The following TIRAP variants were observed in gnomAD, a reference collection of about 807,000 sequenced individuals.
TIRAP encodes the protein TIR domain containing adaptor protein.
In TIRAP, 20 loss-of-function variants were observed where a neutral mutation model predicts 19.8. The ratio of observed to expected loss-of-function variants is 1.01; its 90% confidence interval spans 0.71 to 1.47. The LOEUF (loss-of-function observed/expected upper bound fraction) is 1.47, where lower values mean the gene tolerates loss of function less well. Ranked by LOEUF, TIRAP falls within the 40% of genes most tolerant of loss-of-function variation. TIRAP has a pLI of 0.00. For synonymous variants in TIRAP, 125 were observed against 121.7 expected, an observed-to-expected ratio of 1.03 and a Z score of -0.18; for missense variants, 276 against 285.1, an observed-to-expected ratio of 0.97 and a Z score of 0.23.
chr11:126,292,993 A>G lies in TIRAP; in HGVS notation c.584A>G (p.Tyr195Cys), dbSNP rs1270335102. The G allele has an allele frequency of 1.2e-6, 2 of 1,614,190 alleles. No homozygotes were observed. Among genetic ancestry groups the G allele is most frequent in the Non-Finnish European group, 1.7e-6 (2 of 1,180,002 alleles). ...TACCCACCTGAGCTCCGATTCATGT[A>G]CTACGTCGATGGCAGGGGCCCTGAT... ...AAYPPELRFM[Y>C]YVDGRGPDGG... The change falls in exon 4 of 5, where the codon TAC (tyrosine) becomes TGC (cysteine). Residue 195 changes from tyrosine (Y) to cysteine (C), a missense_variant. Tyr to Cys is a radical substitution (Grantham distance 194). Transcript: ENST00000392679.
At position 126,290,496 on chromosome 11, in the gene TIRAP, GC is replaced by G. The variant is rs1243443305; in HGVS notation, c.-180del. 1.0e-6 allele frequency: 1 copy of G among 1,003,234 alleles called. No homozygotes were observed. The highest frequency in any genetic ancestry group is 1.2e-6 in the Non-Finnish European group (1 of 842,314). 62.1% of individuals were successfully genotyped at this position (1,003,234 alleles called of 1,614,324 possible). ...AGGAAGTCCTTCTAAAGAGCTGCCT[GC>G]CAGCTGCCCTTCCCCAGATCCCGAA... On this transcript the variant is annotated 5_prime_UTR_variant, in exon 2 of 5. Transcript: ENST00000392679. This position sits in a 1 kb window ranked among gnomAD's most constrained non-coding sequence, Gnocchi z 4.9.
At position 126,290,438 on chromosome 11, in the gene TIRAP, A is replaced by G. The variant is rs1951366215; in HGVS notation, c.-216-24A>G. On this transcript the variant is annotated intron_variant, in intron 1 of 4. Transcript: ENST00000392679. The surrounding 1 kb of genome is among the most constrained non-coding windows in gnomAD (Gnocchi z 4.9). ...TACATAATTATTTGTCCAAATAGCA[A>G]CTGTCCTTCTTCTGCCATTTCAGGC... 3.0e-6 allele frequency: 3 copies of G among 989,878 alleles called. No individual in the cohort carries two copies. The African/African-American group carries it at 5.2e-5, about 17-fold the overall frequency. The allele number at this position is 989,878 out of a possible 1,614,324, so 61.3% of individuals were successfully genotyped here.
intron 1 of TIRAP, among the ~76,000 whole-genome samples, chr11:126,283,914 C>G (rs1264083245): frequency 1.3e-5 from 2 of 152,132 alleles, no homozygotes; most frequent in South Asian, 2.1e-4. Context: ...TTCCACAACA[C>G]GCACATTTCC....
At position 126,290,717 on chromosome 11, in the gene TIRAP, G is replaced by C; in HGVS notation, c.-92-86G>C. 1 of 1,386,620 alleles carries C rather than the reference G, an allele frequency of 7.2e-7. No individual in the cohort carries two copies. Among genetic ancestry groups the C allele is most frequent in the African/African-American group, 1.5e-5 (1 of 67,156 alleles). The allele number at this position is 1,386,620 out of a possible 1,614,324, so 85.9% of individuals were successfully genotyped here. A position where few individuals can be genotyped will look rare whatever the true frequency, so the allele number is the denominator to read the frequency against. On this transcript the variant is annotated intron_variant, in intron 2 of 4. Transcript: ENST00000392679. This position sits in a 1 kb window ranked among gnomAD's most constrained non-coding sequence, Gnocchi z 4.9. ...GAAGCCTCTGTCAGGCATTAGGAGA[G>C]AAACAGAACTTCGCAGAGCTCATCC...
chr11:126,292,729 T>C lies in TIRAP; in HGVS notation c.320T>C (p.Leu107Ser). 6.2e-7 allele frequency: 1 copy of C among 1,613,494 alleles called. No individual in the cohort carries two copies. Among genetic ancestry groups the C allele is most frequent in the Non-Finnish European group, 8.5e-7 (1 of 1,179,800 alleles). The change falls in exon 4 of 5, where the codon TTG becomes TCG. Residue 107 changes from leucine (L) to serine (S), a missense_variant. Transcript: ENST00000392679. ...GCCGCCCAGGACCTGGTCTCCTACT[T>C]GGAAGGCAGCACTGCCAGCCTGCGC... ...LVAAQDLVSY[L>S]EGSTASLRCF...
chr11:126,294,161 C>T lies in TIRAP; in HGVS notation c.*474C>T, dbSNP rs1384184394. 8.2e-6 allele frequency: 2 copies of T among 244,154 alleles called. No individual in the cohort carries two copies. Among genetic ancestry groups the T allele is most frequent in the African/African-American group, 2.3e-5 (1 of 44,298 alleles). The allele number at this position is 244,154 out of a possible 1,614,324, so 15.1% of individuals were successfully genotyped here. A position where few individuals can be genotyped will look rare whatever the true frequency, so the allele number is the denominator to read the frequency against. On this transcript the variant is annotated 3_prime_UTR_variant, in exon 5 of 5. Transcript: ENST00000392679. ...TCAGCAAGAAGCCTAGATTGCAGGC[C>T]TCACCATGGATGGTCTTCCTAGTTG...
Position 126,294,584 on chromosome 11 carries a change from C to T in TIRAP, c.*897C>T. 1 of 456,236 alleles carries T rather than the reference C, an allele frequency of 2.2e-6. No individual in the cohort carries two copies. Among genetic ancestry groups the T allele is most frequent in the Non-Finnish European group, 4.4e-6 (1 of 226,940 alleles). The allele number at this position is 456,236 out of a possible 1,614,324, so 28.3% of individuals were successfully genotyped here. On this transcript the variant is annotated 3_prime_UTR_variant, in exon 5 of 5. Transcript: ENST00000392679. ...ACTGGGAAGAATCACCATTTTTCTT[C>T]TGGCAGATGACTGTATTCCTTATAG...
Position 126,290,829 on chromosome 11 carries a change from G to T in TIRAP, c.-66G>T. ...ATGGCTGCTCCATGAGGTCAAGACT[G>T]GGTCTCCTCCCTCCTCCCCCTTCAC... On this transcript the variant is annotated 5_prime_UTR_variant, in exon 3 of 5. Coordinates refer to ENST00000392679, the MANE Select transcript of TIRAP (RefSeq NM_001318777.2). This position sits in a 1 kb window ranked among gnomAD's most constrained non-coding sequence, Gnocchi z 4.9. The T allele has an allele frequency of 1.3e-6, 2 of 1,544,368 alleles. No individual in the cohort carries two copies. The highest frequency in any genetic ancestry group is 4.3e-5 in the Admixed American group (2 of 46,638).
chr11:126,283,133 C>A lies in TIRAP; in HGVS notation c.-237C>A. ...CCCGCGCAGTCCGCGCAGCCCTCAT[C>A]GCAACTGGGCCCGCGCGCAGGTGAG... On this transcript the variant is annotated 5_prime_UTR_variant, in exon 1 of 5. Transcript: ENST00000392679. 2 of 985,076 alleles carry A rather than the reference C, an allele frequency of 2.0e-6. No homozygotes were observed. The highest frequency in any genetic ancestry group is 2.4e-6 in the Non-Finnish European group (2 of 829,804). 61.0% of individuals were successfully genotyped at this position (985,076 alleles called of 1,614,324 possible).
chr11:126,292,370 T>C, intron 3 of TIRAP, 107 bp from the exon 4 acceptor site: 2 of 1,143,706 alleles, frequency 1.7e-6, no homozygotes, highest in Non-Finnish European at 2.5e-6. Flanking sequence ...TGCAGGGAGG[T>C]GGGCTGCAGT....
At chr11:126,283,275 C>A in intron 1 of TIRAP, 122 bp downstream of exon 1, 1 of 468,286 alleles carries the variant, frequency 2.1e-6, no homozygotes, top group Non-Finnish European at 2.8e-6. Flanking sequence ...CAGGGGTGCG[C>A]GCCGCCTCTG....
chr11:126,289,709 C>T, intron 1 of TIRAP: 2 of 985,464 alleles, frequency 2.0e-6, no homozygotes, highest in Non-Finnish European at 2.4e-6. Context: ...CTCTGCCAGC[C>T]TTTCACAGGA....
At chr11:126,293,274 C>A in intron 4 of TIRAP, 1 of 824,738 alleles carries the variant, frequency 1.2e-6, no homozygotes, top group Non-Finnish European at 2.0e-6. Flanking sequence ...CACTGACCAA[C>A]AGGTTTCCAT....
rs1483296117 is a variant in TIRAP, at chr11:126,292,628, T to C, written c.219T>C (p.His73=). Reference sequence around the variant, plus strand: ...CGTCTCCCAGCCTGCCACCCACACATGCGAGTGACAGTGGCAGTAGTCGCT... The same window carrying C: ...CGTCTCCCAGCCTGCCACCCACACACGCGAGTGACAGTGGCAGTAGTCGCT... The part of the protein sequence containing the change: ...SVTSPSLPPT[H]ASDSGSSRWS... Residue 73 remains histidine (H), a synonymous_variant, in exon 4 of 5, where the codon CAT becomes CAC. Transcript: ENST00000392679. 2 of 1,614,014 alleles carry C rather than the reference T, an allele frequency of 1.2e-6. No individual in the cohort carries two copies. The highest frequency in any genetic ancestry group is 1.1e-5 in the South Asian group (1 of 91,090).
intron 1 of TIRAP, chr11:126,289,816 C>T (rs896025692): frequency 8.1e-6 from 8 of 985,264 alleles, no homozygotes; most frequent in South Asian, 4.7e-5. Context: ...TCTGTCACTA[C>T]GGTGGGAAAA....
chr11:126,293,854 G>C lies in TIRAP; in HGVS notation c.*167G>C. 1 of 757,154 alleles carries C rather than the reference G, an allele frequency of 1.3e-6. No homozygotes were observed. The highest frequency in any genetic ancestry group is 1.5e-5 in the South Asian group (1 of 66,852). The allele number at this position is 757,154 out of a possible 1,614,324, so 46.9% of individuals were successfully genotyped here. A position where few individuals can be genotyped will look rare whatever the true frequency, so the allele number is the denominator to read the frequency against. On this transcript the variant is annotated 3_prime_UTR_variant, in exon 5 of 5. Transcript: ENST00000392679. Reference sequence around the variant, plus strand: ...ACCCATCAGGCTTCCATTACTGTGGGCTCCCTAAGAAGACCATGGAGAGCT... The same window carrying C: ...ACCCATCAGGCTTCCATTACTGTGGCCTCCCTAAGAAGACCATGGAGAGCT...
Position 126,293,654 on chromosome 11 carries a change from T to C in TIRAP, c.647-14T>C. On this transcript the variant is annotated splice_polypyrimidine_tract_variant and intron_variant, in intron 4 of 4. Coordinates refer to ENST00000392679, the MANE Select transcript of TIRAP (RefSeq NM_001318777.2). ...TTTGGGAGGTGTGACAACGCTGTGA[T>C]TGGTCTCTTTCAGATCTGCAGACAC... The C allele has an allele frequency of 1.2e-6, 2 of 1,614,040 alleles. No homozygotes were observed. The highest frequency in any genetic ancestry group is 1.7e-6 in the Non-Finnish European group (2 of 1,179,946).
At position 126,292,692 on chromosome 11, in the gene TIRAP, G is replaced by A. The variant is rs767266208; in HGVS notation, c.283G>A (p.Glu95Lys). The part of the protein sequence containing the change: ...DYDVCVCHSE[E>K]DLVAAQDLVS... ...TGACGTCTGCGTGTGCCACAGTGAG[G>A]AAGACCTGGTGGCCGCCCAGGACCT... The change falls in exon 4 of 5, where the codon GAA becomes AAA. Residue 95 changes from glutamate to lysine, a missense_variant. By Grantham distance (56) the Glu-to-Lys change is moderately conservative (BLOSUM62 1). Transcript: ENST00000392679. The A allele has an allele frequency of 5.0e-6, 8 of 1,613,910 alleles. No individual in the cohort carries two copies. The highest frequency in any genetic ancestry group is 6.8e-6 in the Non-Finnish European group (8 of 1,179,908).
In TIRAP at chr11:126,292,650, C is replaced by A; in HGVS notation, c.241C>A (p.Arg81Ser). The change falls in exon 4 of 5, where the codon CGC becomes AGC. Residue 81 changes from arginine (R) to serine (S), a missense_variant. Transcript: ENST00000392679. ...PTHASDSGSS[R>S]WSKDYDVCVC... is the part of the protein sequence containing the mutation. Reference sequence around the variant, plus strand: ...ACATGCGAGTGACAGTGGCAGTAGTCGCTGGAGCAAAGACTATGACGTCTG... The same window carrying A: ...ACATGCGAGTGACAGTGGCAGTAGTAGCTGGAGCAAAGACTATGACGTCTG... 6.2e-7 allele frequency: 1 copy of A among 1,614,120 alleles called. No homozygotes were observed. The highest frequency in any genetic ancestry group is 8.5e-7 in the Non-Finnish European group (1 of 1,180,010).
Sources: gnomAD v4.1 joint callset for allele counts (sites outside exome capture counted in the v4.1 genomes callset) on GRCh38, gnomAD v4.1.1 for gene constraint, Gnocchi (gnomAD v3.1) non-coding constraint, MANE v1.5 for transcripts, NCBI Gene and HGNC (gene_info 2026-07-23, HGNC 2026-07-21) for gene names.